LRP5: variants seen among roughly 807,000 people sequenced by gnomAD.
LRP5 encodes the protein low-density lipoprotein receptor-related protein 5.
In LRP5, 62 loss-of-function variants were observed where a neutral mutation model predicts 154.1. The ratio of observed to expected loss-of-function variants is 0.40; its 90% confidence interval spans 0.33 to 0.50. The LOEUF (loss-of-function observed/expected upper bound fraction) is 0.50. Ranked by LOEUF, LRP5 falls within the 20% of genes least tolerant of loss-of-function variation. LRP5 has a pLI of 0.55. For missense variants in LRP5, 1,915 were observed against 2,336.7 expected, an observed-to-expected ratio of 0.82 and a Z score of 3.72; for synonymous variants, 966 against 1,011.5, an observed-to-expected ratio of 0.96 and a Z score of 0.85.
chr11:68,310,754 CAAA>C (rs756320384), upstream of LRP5, among the ~76,000 whole-genome samples: 5 of 63,952 alleles, frequency 7.8e-5, no homozygotes, highest in African/African-American at 5.3e-5. Context: ...GACCCTGTCT[CAAA>C]AAAAAAAAAA....
At chr11:68,379,858 G>A (rs1232871531) in intron 5 of LRP5, among the ~76,000 whole-genome samples, 1 of 152,176 alleles carries the variant, frequency 6.6e-6, no homozygotes, top group Admixed American at 6.5e-5. Flanking sequence ...ATGGCTGGGC[G>A]TGGTGGCTCA....
chr11:68,438,633 G>C lies in LRP5; in HGVS notation c.4299G>C (p.Val1433=). The part of the protein sequence containing the change: ...PHEYVSGTPH[V]PLNFIAPGGS... Reference sequence around the variant, plus strand: ...AGTATGTCAGCGGGACCCCGCACGTGCCCCTCAATTTCATAGCCCCGGGCG... The same window carrying C: ...AGTATGTCAGCGGGACCCCGCACGTCCCCCTCAATTTCATAGCCCCGGGCG... The change falls in exon 20 of 23, where the codon GTG becomes GTC. Residue 1433 remains valine, a synonymous_variant. Coordinates refer to ENST00000294304, the MANE Select transcript of LRP5 (RefSeq NM_002335.4). The C allele has an allele frequency of 6.2e-7, 1 of 1,613,626 alleles. No homozygotes were observed. The highest frequency in any genetic ancestry group is 8.5e-7 in the Non-Finnish European group (1 of 1,179,966).
chr11:68,443,574 TATA>T (rs1565122215), intron 21 of LRP5, among the ~76,000 whole-genome samples: 19 of 41,372 alleles, frequency 4.6e-4, no homozygotes, highest in African/African-American at 1.8e-3. Flanking sequence ...TATATATATA[TATA>T]TATATATATT....
chr11:68,299,813 C>T, the LRP5 span, among the ~76,000 whole-genome samples: 3 of 148,842 alleles, frequency 2.0e-5, no homozygotes, highest in African/African-American at 7.3e-5. Context: ...AAACTCCTAA[C>T]CTCAAGTGAT....
Position 68,410,068 on chromosome 11 carries a change from G to A in LRP5, c.2246G>A (p.Gly749Glu). The change falls in exon 10 of 23, where the codon GGG becomes GAG. Residue 749 changes from glycine to glutamate, a missense_variant. This residue lies in a region of LRP5 where 773 missense variants were observed against 1,100.9 expected (regional missense o/e 0.70). Coordinates refer to ENST00000294304, the MANE Select transcript of LRP5 (RefSeq NM_002335.4). ...TNRIEVARLD[G>E]QFRQVLVWRD... is the part of the protein sequence containing the mutation. ...AGAATCGAAGTGGCGCGGCTGGACG[G>A]GCAGTTCCGGCAAGTCCTCGTGTGG... 1 of 1,613,974 alleles carries A rather than the reference G, an allele frequency of 6.2e-7. No homozygotes were observed. The highest frequency in any genetic ancestry group is 1.1e-5 in the South Asian group (1 of 91,076).
intron 1 of LRP5, among the ~76,000 whole-genome samples, chr11:68,342,652 A>G (rs1330819990): frequency 6.6e-6 from 1 of 152,168 alleles, no homozygotes; most frequent in Non-Finnish European, 1.5e-5. Flanking sequence ...CGGCTCCTGG[A>G]AAGAGCCTGC....
At chr11:68,382,127 T>C (rs1255870006) in intron 5 of LRP5, among the ~76,000 whole-genome samples, 1 of 152,208 alleles carries the variant, frequency 6.6e-6, no homozygotes, top group Non-Finnish European at 1.5e-5. Flanking sequence ...CTGAGGGGTG[T>C]CAGAGACACC....
chr11:68,323,491 A>T (rs1416847940), intron 1 of LRP5, among the ~76,000 whole-genome samples: 1 of 149,308 alleles, frequency 6.7e-6, no homozygotes, highest in African/African-American at 2.5e-5. Flanking sequence ...AGCCTACTGC[A>T]GCCTCTACCT....
chr11:68,324,277 C>A (rs1199705243), intron 1 of LRP5, among the ~76,000 whole-genome samples: 6 of 152,264 alleles, frequency 3.9e-5, no homozygotes, highest in Non-Finnish European at 8.8e-5. Context: ...CAGCATATCA[C>A]CCTGTGGGAC....
chr11:68,393,353 C>A (rs1340094126), intron 7 of LRP5, among the ~76,000 whole-genome samples: 1 of 152,154 alleles, frequency 6.6e-6, no homozygotes, highest in Non-Finnish European at 1.5e-5. Context: ...TTGCTGAGTC[C>A]TATGGTAATG....
At position 68,427,971 on chromosome 11, in the gene LRP5, TTTTTTTTA is replaced by T. The variant is rs1424676165; in HGVS notation, c.3638-1600_3638-1593del. ...TTTTATTTTATTTTATTTTATTTTA[TTTTTTTTA>T]TTTATTTATTTATTTATTTATTTAT... On this transcript the variant is annotated intron_variant, in intron 16 of 22. Transcript: ENST00000294304. 7.4e-3 allele frequency among the ~76,000 whole-genome samples: 328 copies of T among 44,216 alleles called. 1 individual carries two copies. Among genetic ancestry groups the T allele is most frequent in the South Asian group, 0.015 (10 of 668 alleles). 29.0% of individuals were successfully genotyped at this position (44,216 alleles called of 152,430 possible).
At chr11:68,437,698 A>T (rs2098675786) in intron 19 of LRP5, among the ~76,000 whole-genome samples, 1 of 152,148 alleles carries the variant, frequency 6.6e-6, no homozygotes, top group Non-Finnish European at 1.5e-5. Flanking sequence ...GGGCTTCCTC[A>T]AGGGACTCCC....
At chr11:68,356,397 G>A (rs1305792787) in intron 2 of LRP5, among the ~76,000 whole-genome samples, 4 of 151,944 alleles carry the variant, frequency 2.6e-5, no homozygotes, top group East Asian at 3.9e-4. Flanking sequence ...TCAGCCTCCC[G>A]AAGTACTGGA....
chr11:68,312,694 C>T lies in LRP5; in HGVS notation c.-21C>T. On this transcript the variant is annotated 5_prime_UTR_variant, in exon 1 of 23. Transcript: ENST00000294304. ...GGAGCCCGAGTGAGCGCGGCGCGGG[C>T]CCGTCCGGCCGCCGGACAACATGGA... is the stretch of plus-strand genomic sequence containing the variant. 3 of 978,222 alleles carry T rather than the reference C, an allele frequency of 3.1e-6. No individual in the cohort carries two copies. The highest frequency in any genetic ancestry group is 3.7e-6 in the Non-Finnish European group (3 of 818,938). The allele number at this position is 978,222 out of a possible 1,614,324, so 60.6% of individuals were successfully genotyped here.
intron 21 of LRP5, among the ~76,000 whole-genome samples, chr11:68,443,543 G>GCA (rs1288282143): frequency 0.069 from 1,811 of 26,278 alleles, 73 homozygotes; most frequent in Non-Finnish European, 0.11. Context: ...CTCTTTTATG[G>GCA]CATATATATA....
chr11:68,308,787 C>T (rs541229678), upstream of LRP5, among the ~76,000 whole-genome samples: 3 of 151,332 alleles, frequency 2.0e-5, no homozygotes, highest in East Asian at 1.9e-4. Context: ...CTTGCTCTGT[C>T]GCCCAGGCTG....
chr11:68,420,095 A>T (rs904221792), intron 13 of LRP5, among the ~76,000 whole-genome samples: 2 of 152,130 alleles, frequency 1.3e-5, no homozygotes, highest in African/African-American at 2.4e-5. Flanking sequence ...AGCCCATTTT[A>T]CCTATTCTGC....
At chr11:68,355,353 A>C (rs1359076526) in intron 2 of LRP5, among the ~76,000 whole-genome samples, 1 of 152,142 alleles carries the variant, frequency 6.6e-6, no homozygotes, top group African/African-American at 2.4e-5. Flanking sequence ...GGAAGAAGGG[A>C]GCAAGGGAGT....
In LRP5 at chr11:68,406,540, G is replaced by A. The variant is rs148603249; in HGVS notation, c.1818G>A (p.Ala606=). The change falls in exon 9 of 23, where the codon GCG becomes GCA. Residue 606 remains alanine (A), a synonymous_variant. Coordinates refer to ENST00000294304, the MANE Select transcript of LRP5 (RefSeq NM_002335.4). ...VAKVVGTNPC[A]DRNGGCSHLC... is the part of the protein sequence containing the mutation. ...CGCTTCCAGGAACCAACCCGTGTGCGGACAGGAACGGGGGGTGCAGCCACC... is the reference window on the plus strand; with the variant it reads ...CGCTTCCAGGAACCAACCCGTGTGCAGACAGGAACGGGGGGTGCAGCCACC... The A allele has an allele frequency of 7.0e-5, 113 of 1,614,106 alleles. No homozygotes were observed. In the African/African-American group the frequency reaches 1.2e-3, roughly 17 times the overall value.
Sources: gnomAD v4.1 joint callset for allele counts (sites outside exome capture counted in the v4.1 genomes callset) on GRCh38, gnomAD v4.1.1 for gene constraint, gnomAD v4.1.1 regional missense constraint, MANE v1.5 for transcripts, NCBI Gene and HGNC (gene_info 2026-07-23, HGNC 2026-07-21) for gene names.